Variants in PACSIN2 observed in about 807,000 individuals in gnomAD.
PACSIN2 encodes protein kinase C and casein kinase substrate in neurons protein 2.
PACSIN2 carries 25 observed loss-of-function variants against 63.8 expected under a neutral mutation model. The observed-to-expected ratio is 0.39, with a 90% CI of 0.29 to 0.55. The LOEUF is 0.55. PACSIN2 is among the 20% of genes least tolerant of loss of function. PACSIN2 has a pLI of 0.62. For missense variants in PACSIN2, 518 were observed against 646.9 expected, an observed-to-expected ratio of 0.80 and a Z score of 2.16; for synonymous variants, 255 against 256.2, an observed-to-expected ratio of 1.00 and a Z score of 0.05.
chr22:42,997,498 CAGTGAG>C (rs1362636271), intron 1 of PACSIN2, among the ~76,000 whole-genome samples: 1 of 151,342 alleles, frequency 6.6e-6, no homozygotes, highest in Non-Finnish European at 1.5e-5. Context: ...GCAGAGGTTG[CAGTGAG>C]CTGAGATGGC....
At chr22:42,917,320 A>C (rs1375344600) in intron 1 of PACSIN2, among the ~76,000 whole-genome samples, 1 of 152,130 alleles carries the variant, frequency 6.6e-6, no homozygotes, top group Non-Finnish European at 1.5e-5. Context: ...GAAAAACTAA[A>C]TATCGGTCAG....
At position 42,870,257 on chromosome 22, in the gene PACSIN2, A is replaced by T. The variant is rs1246725671; in HGVS notation, c.*1100T>A. 6.6e-6 allele frequency: 1 copy of T among 152,268 alleles called. No individual in the cohort carries two copies. Among genetic ancestry groups the T allele is most frequent in the Non-Finnish European group, 1.5e-5 (1 of 68,050 alleles). The allele number at this position is 152,268 out of a possible 1,614,324, so 9.4% of individuals were successfully genotyped here. A position where few individuals can be genotyped will look rare whatever the true frequency, so the allele number is the denominator to read the frequency against. On this transcript the variant is annotated 3_prime_UTR_variant, in exon 11 of 11. Transcript: ENST00000263246. ...ACAAAGGCCGGTCAGAAGCCGGACC[A>T]GCAGTCAGCTGGTGACGACGAGCCT...
chr22:42,949,731 G>C (rs979594783), intron 1 of PACSIN2, among the ~76,000 whole-genome samples: 2 of 151,846 alleles, frequency 1.3e-5, no homozygotes, highest in African/African-American at 4.8e-5. Context: ...CACACAGGCA[G>C]AAAGAACCTG....
At chr22:42,927,259 T>A (rs1228941597) in intron 1 of PACSIN2, among the ~76,000 whole-genome samples, 11 of 152,066 alleles carry the variant, frequency 7.2e-5, no homozygotes, top group Admixed American at 6.5e-4. Context: ...ACTTTTTTTT[T>A]TTTTGAGACA....
At chr22:43,012,131 G>C (rs1012055735) in intron 1 of PACSIN2, among the ~76,000 whole-genome samples, 6 of 150,944 alleles carry the variant, frequency 4.0e-5, no homozygotes, top group Admixed American at 2.0e-4. Flanking sequence ...GCGACAGAGC[G>C]AGACTCTGTC....
chr22:42,876,828 G>GAT, intron 9 of PACSIN2, 60 bp downstream of exon 9: 1 of 1,609,402 alleles, frequency 6.2e-7, no homozygotes, highest in Non-Finnish European at 8.5e-7. Context: ...CCTGGACAGA[G>GAT]AGAGAGGAAG....
chr22:42,897,253 TA>T (rs1930355228), intron 2 of PACSIN2, among the ~76,000 whole-genome samples: 1 of 152,218 alleles, frequency 6.6e-6, no homozygotes, highest in Non-Finnish European at 1.5e-5. Flanking sequence ...CTTTTTAATA[TA>T]TTTTTTAAAA....
chr22:42,961,207 A>G (rs1934120983), intron 1 of PACSIN2, among the ~76,000 whole-genome samples: 1 of 152,266 alleles, frequency 6.6e-6, no homozygotes, highest in Non-Finnish European at 1.5e-5. Flanking sequence ...ACTCATATTC[A>G]TTCAAAAATG....
At chr22:42,985,740 G>A (rs1312126731) in intron 1 of PACSIN2, among the ~76,000 whole-genome samples, 4 of 152,108 alleles carry the variant, frequency 2.6e-5, no homozygotes, top group Non-Finnish European at 4.4e-5. Context: ...ATATTCAGAG[G>A]GAGGGCTAAG....
At chr22:42,935,406 C>T (rs569696771) in intron 1 of PACSIN2, among the ~76,000 whole-genome samples, 19 of 152,288 alleles carry the variant, frequency 1.2e-4, no homozygotes, top group Admixed American at 3.9e-4. Context: ...CCCTCTTCCA[C>T]ATGTGCGGAG....
At chr22:42,945,351 G>A (rs1370294566) in intron 1 of PACSIN2, among the ~76,000 whole-genome samples, 3 of 152,020 alleles carry the variant, frequency 2.0e-5, no homozygotes, top group Admixed American at 2.0e-4. Context: ...GGCTGCTGGC[G>A]CTCCCCAGGT....
At chr22:42,873,027 C>A (rs1434034818) in intron 10 of PACSIN2, among the ~76,000 whole-genome samples, 1 of 152,190 alleles carries the variant, frequency 6.6e-6, no homozygotes, top group Non-Finnish European at 1.5e-5. Flanking sequence ...TACCATGTGG[C>A]AAACAGCCAG....
At chr22:42,962,206 C>T (rs1247407186) in intron 1 of PACSIN2, among the ~76,000 whole-genome samples, 1 of 150,056 alleles carries the variant, frequency 6.7e-6, no homozygotes, top group African/African-American at 2.5e-5. Flanking sequence ...TGTCCCAGAG[C>T]CCCACTTAGG....
intron 2 of PACSIN2, among the ~76,000 whole-genome samples, chr22:42,905,299 T>C (rs997262356): frequency 2.0e-5 from 3 of 152,268 alleles, no homozygotes; most frequent in Admixed American, 6.5e-5. Context: ...CCTTTTCCTG[T>C]CTCCGCGTGT....
At chr22:42,971,643 C>T (rs1229901664) in intron 1 of PACSIN2, among the ~76,000 whole-genome samples, 9 of 152,018 alleles carry the variant, frequency 5.9e-5, no homozygotes, top group African/African-American at 1.9e-4. Context: ...AAGTGAGGAG[C>T]GTCTCTGCCC....
At position 42,886,455 on chromosome 22, in the gene PACSIN2, T is replaced by TAG. The variant is rs1569221754; in HGVS notation, c.610-1895_610-1894insCT. On this transcript the variant is annotated intron_variant, in intron 5 of 10. Transcript: ENST00000263246. The stretch of plus-strand genomic sequence containing the variant: ...AGGTAGGTAGGTAGGTAGGTAGGTA[T>TAG]GTATGTACCTACCTACTTACCTACT... Among the ~76,000 whole-genome samples, 239 of 36,536 alleles carry TAG rather than the reference T, an allele frequency of 6.5e-3. 2 individuals carry two copies. Among genetic ancestry groups the TAG allele is most frequent in the African/African-American group, 1.0e-2 (158 of 15,870 alleles). The allele number at this position is 36,536 out of a possible 152,430, so 24.0% of individuals were successfully genotyped here.
intron 1 of PACSIN2, among the ~76,000 whole-genome samples, chr22:43,007,679 G>A (rs897034336): frequency 2.0e-5 from 3 of 152,166 alleles, no homozygotes; most frequent in African/African-American, 7.2e-5. Flanking sequence ...CTCCTCTGTC[G>A]TGCAGTACTT....
At chr22:42,935,109 T>C (rs563018034) in intron 1 of PACSIN2, among the ~76,000 whole-genome samples, 61 of 150,616 alleles carry the variant, frequency 4.1e-4, no homozygotes, top group Non-Finnish European at 7.8e-4. Context: ...TTATTTTCAG[T>C]AGAGTCGGGG....
intron 10 of PACSIN2, among the ~76,000 whole-genome samples, chr22:42,874,625 C>T (rs1310747129): frequency 6.6e-6 from 1 of 152,210 alleles, no homozygotes; most frequent in Non-Finnish European, 1.5e-5. Flanking sequence ...GCTTCTCTGG[C>T]AGTTGGGGAC....
Sources: allele counts gnomAD v4.1 joint callset (sites outside exome capture counted in the v4.1 genomes callset), GRCh38; gene constraint gnomAD v4.1.1; transcripts MANE v1.5; gene names NCBI Gene and HGNC (gene_info 2026-07-23, HGNC 2026-07-21).